The following GALNTL6 variants were observed in gnomAD, a reference collection of about 807,000 sequenced individuals.
The protein encoded by GALNTL6 is polypeptide N-acetylgalactosaminyltransferase-like 6.
Under a neutral mutation model 73.7 loss-of-function variants are expected in GALNTL6, and 46 were observed. That is an observed-to-expected ratio of 0.62 (90% confidence interval 0.49 to 0.80). The LOEUF is 0.80. Among genes scored for constraint, GALNTL6 ranks in the 30% least tolerant of loss-of-function variants. The pLI, the probability that GALNTL6 is intolerant of heterozygous loss-of-function variation, is 0.00. For missense variants in GALNTL6, 604 were observed against 755.0 expected (o/e 0.80, Z 2.34); for synonymous variants, 259 against 263.7 (o/e 0.98, Z 0.17).
chr4:172,131,424 TATATAC>T (rs939330920), intron 2 of GALNTL6, among the ~76,000 whole-genome samples: 14 of 99,944 alleles, frequency 1.4e-4, no homozygotes, highest in East Asian at 5.0e-4. Context: ...TATATATATA[TATATAC>T]ACACACACAC....
chr4:172,946,121 A>G (rs1184857315), intron 9 of GALNTL6, among the ~76,000 whole-genome samples: 1 of 100,844 alleles, frequency 9.9e-6, no homozygotes. Context: ...TTTGGGGAAA[A>G]AGCGTGTGTG....
At chr4:172,210,618 T>C (rs1736292995) in intron 2 of GALNTL6, among the ~76,000 whole-genome samples, 1 of 152,124 alleles carries the variant, frequency 6.6e-6, no homozygotes, top group Admixed American at 6.5e-5. Context: ...ATATCCAGGG[T>C]ATATAATATC....
At chr4:172,619,436 G>GT (rs994243137) in intron 5 of GALNTL6, among the ~76,000 whole-genome samples, 3 of 152,076 alleles carry the variant, frequency 2.0e-5, no homozygotes, top group African/African-American at 7.2e-5. Flanking sequence ...AAAACGAGAG[G>GT]TTTTTCCCCA....
intron 5 of GALNTL6, among the ~76,000 whole-genome samples, chr4:172,467,859 T>TTTCC (rs1579099685): frequency 2.8e-5 from 3 of 107,436 alleles, no homozygotes; most frequent in South Asian, 3.4e-4. Flanking sequence ...TCTTTCTTTC[T>TTTCC]TTCTTTCCTT....
chr4:172,514,377 G>A (rs1579142281), intron 5 of GALNTL6, among the ~76,000 whole-genome samples: 1 of 152,170 alleles, frequency 6.6e-6, no homozygotes, highest in South Asian at 2.1e-4. Flanking sequence ...AAAGCTGGCA[G>A]TGCCAGGCCT....
chr4:172,184,280 A>G (rs1213958564), intron 2 of GALNTL6, among the ~76,000 whole-genome samples: 1 of 152,072 alleles, frequency 6.6e-6, no homozygotes, highest in Non-Finnish European at 1.5e-5. Flanking sequence ...CTGCTGTGAC[A>G]CAGACCTGCT....
rs1447379360 is a variant in GALNTL6 at position 171,945,129 on chromosome 4, A to G, written c.138+130411A>G. On this transcript the variant is annotated intron_variant, in intron 2 of 12. Transcript: ENST00000506823. The stretch of plus-strand genomic sequence containing the variant: ...GCTGAGTTCCGAAGTGTTTATTTGA[A>G]CAGAATGTTTAAAAAACATAAAATT... Among the ~76,000 whole-genome samples, 7 of 152,210 alleles carry G rather than the reference A, an allele frequency of 4.6e-5. No individual in the cohort carries two copies. The East Asian group carries it at 1.3e-3, about 29-fold the overall frequency.
Position 172,599,494 on chromosome 4 carries a change from C to T in GALNTL6, c.554-209867C>T, listed in dbSNP as rs115860456. ...CTACTTGCCAGTTGTTATTAACAAA[C>T]AGCCACTGGTTCTAATAATCTAAAT... is the stretch of plus-strand genomic sequence containing the variant. On this transcript the variant is annotated intron_variant, in intron 5 of 12. Coordinates refer to ENST00000506823, the MANE Select transcript of GALNTL6 (RefSeq NM_001034845.3). 3.3e-3 allele frequency among the ~76,000 whole-genome samples: 498 copies of T among 152,258 alleles called. 3 individuals are homozygous for T. Among genetic ancestry groups the T allele is most frequent in the African/African-American group, 0.011 (475 of 41,572 alleles).
chr4:172,937,002 C>T (rs1044456895), intron 9 of GALNTL6, among the ~76,000 whole-genome samples: 1 of 151,918 alleles, frequency 6.6e-6, no homozygotes, highest in African/African-American at 2.4e-5. Context: ...CTGGAGCAGC[C>T]TGGGCATCTC....
chr4:171,859,528 G>GA (rs979100639), intron 2 of GALNTL6, among the ~76,000 whole-genome samples: 75 of 151,964 alleles, frequency 4.9e-4, no homozygotes, highest in African/African-American at 1.8e-3. Flanking sequence ...ATGGAACTGA[G>GA]AAAAAAATCG....
At chr4:172,221,084 A>G (rs1054324557) in intron 2 of GALNTL6, among the ~76,000 whole-genome samples, 2 of 151,916 alleles carry the variant, frequency 1.3e-5, no homozygotes, top group Admixed American at 1.3e-4. Context: ...TAGTAGATAT[A>G]TGAAAGCACC....
At chr4:172,663,196 G>A (rs1020171311) in intron 5 of GALNTL6, among the ~76,000 whole-genome samples, 1 of 152,044 alleles carries the variant, frequency 6.6e-6, no homozygotes, top group Non-Finnish European at 1.5e-5. Flanking sequence ...AGGTGCAATG[G>A]GAATATGTGA....
intron 2 of GALNTL6, among the ~76,000 whole-genome samples, chr4:172,081,658 A>G (rs1166206766): frequency 1.3e-5 from 2 of 152,126 alleles, no homozygotes; most frequent in Non-Finnish European, 2.9e-5. Context: ...CAAATTTTAA[A>G]AAAATTGACA....
intron 2 of GALNTL6, among the ~76,000 whole-genome samples, chr4:171,909,820 C>T (rs1162388309): frequency 6.6e-6 from 1 of 151,936 alleles, no homozygotes; most frequent in Admixed American, 6.6e-5. Flanking sequence ...CATTGTAAAC[C>T]ATATCAATAT....
chr4:172,847,458 T>C (rs773738329), intron 7 of GALNTL6, among the ~76,000 whole-genome samples: 95 of 152,098 alleles, frequency 6.2e-4, no homozygotes, highest in Non-Finnish European at 9.3e-4. Flanking sequence ...AAACAGAAGA[T>C]GAATTTTCTC....
At chr4:172,209,268 A>T (rs1488319283) in intron 2 of GALNTL6, among the ~76,000 whole-genome samples, 11 of 152,176 alleles carry the variant, frequency 7.2e-5, no homozygotes, top group African/African-American at 2.4e-4. Context: ...GCATTCTGGA[A>T]ATTATCCATG....
rs183443956 is a variant in GALNTL6 at position 172,326,269 on chromosome 4, A to G, written c.386+14517A>G. Among the ~76,000 whole-genome samples the G allele has an allele frequency of 2.5e-3, 374 of 152,158 alleles. 2 individuals carry two copies. The highest frequency in any genetic ancestry group is 3.6e-3 in the Non-Finnish European group (243 of 67,868). On this transcript the variant is annotated intron_variant, in intron 4 of 12. Coordinates refer to ENST00000506823, the MANE Select transcript of GALNTL6 (RefSeq NM_001034845.3). ...ATCCATAATTTAAGGTTTCAGTTTAAGAAAGCAGAAAGAGAAGAGCAAAAT... is the reference window on the plus strand; with the variant it reads ...ATCCATAATTTAAGGTTTCAGTTTAGGAAAGCAGAAAGAGAAGAGCAAAAT...
chr4:172,286,344 G>A (rs1055572960), intron 3 of GALNTL6, among the ~76,000 whole-genome samples: 4 of 152,126 alleles, frequency 2.6e-5, no homozygotes, highest in Non-Finnish European at 5.9e-5. Context: ...GATGTTGTGG[G>A]AGGAAACAGT....
At chr4:172,950,826 A>C (rs1749406059) in intron 9 of GALNTL6, among the ~76,000 whole-genome samples, 1 of 152,172 alleles carries the variant, frequency 6.6e-6, no homozygotes, top group Admixed American at 6.6e-5. Context: ...GAGAAACAGG[A>C]GTGGGTCAAT....
Sources: allele counts gnomAD v4.1 joint callset (sites outside exome capture counted in the v4.1 genomes callset), GRCh38; gene constraint gnomAD v4.1.1; transcripts MANE v1.5; gene names NCBI Gene and HGNC (gene_info 2026-07-23, HGNC 2026-07-21).